Variants in SH2B1 observed in about 807,000 individuals in gnomAD.
The protein encoded by SH2B1 is SH2B adaptor protein 1, also known as SH2B adapter protein 1.
A neutral mutation model predicts 62.6 loss-of-function variants in SH2B1; 15 were observed. The observed-to-expected ratio is 0.24, with a 90% CI of 0.16 to 0.37. SH2B1 has a LOEUF of 0.37. Among genes scored for constraint, SH2B1 ranks in the 10% least tolerant of loss-of-function variants. The pLI, the probability that SH2B1 is intolerant of heterozygous loss-of-function variation, is 1.00. For missense variants in SH2B1, 925 were observed against 1,015.6 expected (o/e 0.91, Z 1.21); for synonymous variants, 443 against 438.0 (o/e 1.01, Z -0.14).
chr16:28,856,497 T>C (rs1357343572), intron 1 of SH2B1, among the ~76,000 whole-genome samples: 1 of 152,052 alleles, frequency 6.6e-6, no homozygotes, highest in Non-Finnish European at 1.5e-5. Context: ...ATCTACAAAT[T>C]GGGGGTGGAG....
intron 2 of SH2B1, among the ~76,000 whole-genome samples, 165 bp from the exon 3 acceptor site, chr16:28,868,841 C>T (rs1962876157): frequency 6.6e-6 from 1 of 152,170 alleles, no homozygotes; most frequent in African/African-American, 2.4e-5. Flanking sequence ...TCAAGTGATC[C>T]TCCAGAGGTG....
Position 28,852,394 on chromosome 16 carries a change from ACATATATATT to A in SH2B1, c.-301+5568_-301+5577del, listed in dbSNP as rs1567458446. On this transcript the variant is annotated intron_variant, in intron 1 of 10. Transcript: ENST00000322610. ...TATATTTACATATATTTATATATAT[ACATATATATT>A]TACATATATATTTATATATTTACAT... Among the ~76,000 whole-genome samples, 36 of 35,348 alleles carry A rather than the reference ACATATATATT, an allele frequency of 1.0e-3. 1 individual carries two copies. Among genetic ancestry groups the A allele is most frequent in the Admixed American group, 1.4e-3 (3 of 2,198 alleles). 23.2% of individuals were successfully genotyped at this position (35,348 alleles called of 152,430 possible).
chr16:28,862,099 T>C (rs889162200), upstream of SH2B1: 1 of 152,214 alleles, frequency 6.6e-6, no homozygotes, highest in Non-Finnish European at 1.5e-5. Context: ...CATAGCTTCC[T>C]TTACTGTTTA....
chr16:28,861,409 G>A (rs190965042), upstream of SH2B1, among the ~76,000 whole-genome samples: 53 of 150,900 alleles, frequency 3.5e-4, no homozygotes, highest in Non-Finnish European at 7.2e-4. Flanking sequence ...GATTACAGGC[G>A]TGAGCCACTG....
chr16:28,864,024 C>G lies in SH2B1; in HGVS notation c.-2071C>G. 1 of 1,359,748 alleles carries G rather than the reference C, an allele frequency of 7.4e-7. No individual in the cohort carries two copies. Among genetic ancestry groups the G allele is most frequent in the Non-Finnish European group, 9.5e-7 (1 of 1,053,246 alleles). The allele number at this position is 1,359,748 out of a possible 1,614,324, so 84.2% of individuals were successfully genotyped here. Reference sequence around the variant, plus strand: ...CCGGCCCTGGCGCCCGAGAGGATTCCTGGGTGGGGGTGGGCGTGGAGGGCC... The same window carrying G: ...CCGGCCCTGGCGCCCGAGAGGATTCGTGGGTGGGGGTGGGCGTGGAGGGCC... On this transcript the variant is annotated 5_prime_UTR_variant, in exon 1 of 8. Transcript: ENST00000684370.
chr16:28,864,420 T>A lies in SH2B1; in HGVS notation c.-1675T>A, dbSNP rs1229585669. 1 of 986,714 alleles carries A rather than the reference T, an allele frequency of 1.0e-6. No individual in the cohort carries two copies. Among genetic ancestry groups the A allele is most frequent in the Admixed American group, 6.1e-5 (1 of 16,282 alleles). The allele number at this position is 986,714 out of a possible 1,614,324, so 61.1% of individuals were successfully genotyped here. A position where few individuals can be genotyped will look rare whatever the true frequency, so the allele number is the denominator to read the frequency against. On this transcript the variant is annotated 5_prime_UTR_variant, in exon 1 of 8. Transcript: ENST00000684370. ...TGTGTGAGCCGAGGTGGCCGCTGGC[T>A]GGAGATTGGTTTGCACTTCTTGGCT... is the stretch of plus-strand genomic sequence containing the variant.
At chr16:28,858,365 T>G (rs1458589717) in intron 1 of SH2B1, among the ~76,000 whole-genome samples, 1 of 152,222 alleles carries the variant, frequency 6.6e-6, no homozygotes, top group Middle Eastern at 3.4e-3. Flanking sequence ...ATACAAAGAT[T>G]AGCTGGGTGT....
In SH2B1 at chr16:28,852,491, T is replaced by TACATATATTTATATATATAC. The variant is rs1567458676; in HGVS notation, c.-301+5711_-301+5730dup. On this transcript the variant is annotated intron_variant, in intron 1 of 10. Coordinates refer to the SH2B1 transcript ENST00000322610. ...ATATACATATATATTTATATATACA[T>TACATATATTTATATATATAC]ACATATATTTATATATATACACATA... 5.7e-3 allele frequency among the ~76,000 whole-genome samples: 128 copies of TACATATATTTATATATATAC among 22,262 alleles called. 44 individuals carry two copies. The highest frequency in any genetic ancestry group is 8.1e-3 in the Admixed American group (11 of 1,350). The allele number at this position is 22,262 out of a possible 152,430, so 14.6% of individuals were successfully genotyped here.
chr16:28,855,703 G>A (rs766519690), intron 1 of SH2B1, among the ~76,000 whole-genome samples: 2 of 149,900 alleles, frequency 1.3e-5, no homozygotes, highest in African/African-American at 4.9e-5. Flanking sequence ...GCAGTGGAGC[G>A]ATCTCCGCTC....
intron 1 of SH2B1, among the ~76,000 whole-genome samples, chr16:28,857,596 C>A (rs1246996918): frequency 6.6e-6 from 1 of 152,128 alleles, no homozygotes; most frequent in South Asian, 2.1e-4. Context: ...CAGGGCCAGC[C>A]AATGAAGAGA....
intron 1 of SH2B1, among the ~76,000 whole-genome samples, chr16:28,853,606 T>C (rs1261298582): frequency 4.6e-5 from 7 of 151,074 alleles, no homozygotes; most frequent in Non-Finnish European, 5.9e-5. Context: ...CCTCCCACTT[T>C]AGCTTCCTGA....
Position 28,873,268 on chromosome 16 carries a change from G to A in SH2B1, c.1898-179G>A. On this transcript the variant is annotated intron_variant, in intron 7 of 7. Transcript: ENST00000684370. The surrounding 1 kb of genome is among the most constrained non-coding windows in gnomAD (Gnocchi z 4.2). ...CATGCCCTTCGGAGCGAGTGACTGT[G>A]TGTAAGTGTGGTCCTCCTCTCACCA... 6.2e-7 allele frequency: 1 copy of A among 1,607,274 alleles called. No homozygotes were observed. Among genetic ancestry groups the A allele is most frequent in the Non-Finnish European group, 8.5e-7 (1 of 1,178,146 alleles).
upstream of SH2B1, chr16:28,863,626 G>T: frequency 6.7e-7 from 1 of 1,491,406 alleles, no homozygotes; most frequent in South Asian, 1.2e-5. Flanking sequence ...CGCTCTGGTG[G>T]GATCCAAGCA....
chr16:28,854,565 G>A (rs1382566067), intron 1 of SH2B1, among the ~76,000 whole-genome samples: 2 of 152,082 alleles, frequency 1.3e-5, no homozygotes, highest in Non-Finnish European at 2.9e-5. Context: ...AGACCAGCCT[G>A]GGCAACATGG....
chr16:28,868,139 TTA>T (rs1298978948), intron 2 of SH2B1, among the ~76,000 whole-genome samples: 4 of 149,714 alleles, frequency 2.7e-5, no homozygotes, highest in East Asian at 3.9e-4. Flanking sequence ...TTTTATTTTA[TTA>T]TTTATTTATT....
In SH2B1 at chr16:28,852,374, T is replaced by TATATATTTATATATA. The variant is rs1962140230; in HGVS notation, c.-301+5547_-301+5548insATATATTTATATATA. Among the ~76,000 whole-genome samples, 5 of 77,134 alleles carry TATATATTTATATATA rather than the reference T, an allele frequency of 6.5e-5. 1 individual carries two copies. The highest frequency in any genetic ancestry group is 3.3e-4 in the African/African-American group (5 of 15,352). 50.6% of individuals were successfully genotyped at this position (77,134 alleles called of 152,430 possible). A position where few individuals can be genotyped will look rare whatever the true frequency, so the allele number is the denominator to read the frequency against. On this transcript the variant is annotated intron_variant, in intron 1 of 10. Transcript: ENST00000322610. ...TATTTATATATATATTTATATATAT[T>TATATATTTATATATA]TACATATATTTATATATATACATAT...
In SH2B1 at chr16:28,869,535, C is replaced by T. The variant is rs1596628514; in HGVS notation, c.1309+152C>T. On this transcript the variant is annotated intron_variant, in intron 4 of 7. Transcript: ENST00000684370. ...ACCCCACCAAATGTTGGTCTTTGAT[C>T]CCTGAACACAGCCACAGTTTGCTGT... 4 of 682,728 alleles carry T rather than the reference C, an allele frequency of 5.9e-6. No homozygotes were observed. The East Asian group carries it at 8.2e-5, about 14-fold the overall frequency. The allele number at this position is 682,728 out of a possible 1,614,324, so 42.3% of individuals were successfully genotyped here.
chr16:28,854,679 C>T (rs1020779989), intron 1 of SH2B1, among the ~76,000 whole-genome samples: 1 of 152,100 alleles, frequency 6.6e-6, no homozygotes, highest in Non-Finnish European at 1.5e-5. Flanking sequence ...TCAATTCAGC[C>T]TGGGAGTTCA....
rs1242273170 is a variant in SH2B1 at position 28,866,437 on chromosome 16, G to A, written c.343G>A (p.Gly115Arg). 2.3e-5 allele frequency: 37 copies of A among 1,613,844 alleles called. No individual in the cohort carries two copies. Among genetic ancestry groups the A allele is most frequent in the Non-Finnish European group, 3.1e-5 (37 of 1,180,012 alleles). ...GTCCCTTGAGAGCTGCAGGGTGGGT[G>A]GGCCCCTGGCTGTGCTGGGCCCTTC... ...DLSLESCRVG[G>R]PLAVLGPSRS... The change falls in exon 1 of 8, where the codon GGG becomes AGG. Residue 115 changes from glycine to arginine, a missense_variant. Physicochemically the swap from Gly to Arg is moderately radical, Grantham distance 125. Transcript: ENST00000684370. This position sits in a 1 kb window ranked among gnomAD's most constrained non-coding sequence, Gnocchi z 6.3.
Sources: allele counts gnomAD v4.1 joint callset (sites outside exome capture counted in the v4.1 genomes callset), GRCh38; gene constraint gnomAD v4.1.1; non-coding constraint Gnocchi (gnomAD v3.1); transcripts MANE v1.5; gene names NCBI Gene and HGNC (gene_info 2026-07-23, HGNC 2026-07-21).